The following KCNMA1 variants were observed in gnomAD, a reference collection of about 807,000 sequenced individuals.
KCNMA1 encodes potassium calcium-activated channel subfamily M alpha 1.
In KCNMA1, 29 loss-of-function variants were observed where a neutral mutation model predicts 140.0. The ratio of observed to expected loss-of-function variants is 0.21; its 90% confidence interval spans 0.15 to 0.28. KCNMA1 has a LOEUF of 0.28. Ranked by LOEUF, KCNMA1 falls within the 10% of genes least tolerant of loss-of-function variation. The pLI is 1.00. For missense variants in KCNMA1, 880 were observed against 1,602.2 expected, an observed-to-expected ratio of 0.55 and a Z score of 7.70; for synonymous variants, 612 against 611.9, an observed-to-expected ratio of 1.00 and a Z score of 0.00.
At chr10:77,316,049 C>T (rs2080790489) in intron 2 of KCNMA1, among the ~76,000 whole-genome samples, 1 of 152,158 alleles carries the variant, frequency 6.6e-6, no homozygotes. Context: ...TGCTTAGAAA[C>T]CTGGAGGCTC....
intron 5 of KCNMA1, among the ~76,000 whole-genome samples, chr10:77,134,045 A>G (rs948617721): frequency 6.6e-6 from 1 of 152,204 alleles, no homozygotes; most frequent in African/African-American, 2.4e-5. Flanking sequence ...GCATCATGCA[A>G]TGATGGACCT....
chr10:77,354,622 A>T (rs1170331225), intron 2 of KCNMA1: 15 of 152,222 alleles, frequency 9.9e-5, no homozygotes, highest in Admixed American at 9.8e-4. Flanking sequence ...TCTGTGTGGT[A>T]AGTATGCCAT....
intron 20 of KCNMA1, among the ~76,000 whole-genome samples, chr10:76,961,987 T>C (rs2071678972): frequency 1.3e-5 from 2 of 152,206 alleles, no homozygotes; most frequent in Admixed American, 1.3e-4. Flanking sequence ...GTTTTGAGGA[T>C]TCGCAGAGCA....
At chr10:77,598,626 C>T (rs1207996588) in intron 1 of KCNMA1, among the ~76,000 whole-genome samples, 1 of 152,058 alleles carries the variant, frequency 6.6e-6, no homozygotes, top group Non-Finnish European at 1.5e-5. Context: ...TTAAATAAAA[C>T]AAAAAAGCAA....
chr10:77,630,827 C>A (rs552865319), intron 1 of KCNMA1, among the ~76,000 whole-genome samples: 1 of 151,954 alleles, frequency 6.6e-6, no homozygotes, highest in Non-Finnish European at 1.5e-5. Flanking sequence ...TTTGACTAAG[C>A]CAGGCACAGT....
intron 14 of KCNMA1, among the ~76,000 whole-genome samples, chr10:77,069,246 C>T (rs1006367673): frequency 6.6e-6 from 1 of 152,072 alleles, no homozygotes; most frequent in Non-Finnish European, 1.5e-5. Context: ...ACAGCATGTT[C>T]CAGGGCTGGC....
At chr10:76,913,465 T>A (rs1160475031) in intron 24 of KCNMA1, 3 of 152,336 alleles carry the variant, frequency 2.0e-5, no homozygotes, top group African/African-American at 7.3e-5. Flanking sequence ...CTTCTTGAAA[T>A]CTGCCTTTAG....
At chr10:77,440,486 C>T (rs562973203) in intron 1 of KCNMA1, among the ~76,000 whole-genome samples, 9 of 152,268 alleles carry the variant, frequency 5.9e-5, no homozygotes, top group Non-Finnish European at 7.4e-5. Flanking sequence ...CCCAAGACCC[C>T]CTCTCTGACC....
At chr10:77,484,800 T>C (rs1323231098) in intron 1 of KCNMA1, among the ~76,000 whole-genome samples, 1 of 152,248 alleles carries the variant, frequency 6.6e-6, no homozygotes, top group Non-Finnish European at 1.5e-5. Context: ...AGTGAGGCTC[T>C]TACTGCTGAT....
chr10:76,927,246 C>T (rs149634009), intron 23 of KCNMA1, among the ~76,000 whole-genome samples: 24 of 152,246 alleles, frequency 1.6e-4, no homozygotes, highest in African/African-American at 5.1e-4. Flanking sequence ...TAAAACTTCA[C>T]TTCTCAAACC....
intron 1 of KCNMA1, among the ~76,000 whole-genome samples, chr10:77,471,609 A>G (rs2098153920): frequency 6.6e-6 from 1 of 150,784 alleles, no homozygotes; most frequent in African/African-American, 2.4e-5. Context: ...CACCACACAC[A>G]CTATACATAT....
chr10:77,166,478 C>T, intron 5 of KCNMA1, among the ~76,000 whole-genome samples: 1 of 151,962 alleles, frequency 6.6e-6, no homozygotes. Flanking sequence ...CTGTCTCAAG[C>T]AGAGAAATCA....
At chr10:77,376,206 C>T (rs918661775) in intron 2 of KCNMA1, among the ~76,000 whole-genome samples, 6 of 152,144 alleles carry the variant, frequency 3.9e-5, no homozygotes, top group South Asian at 2.1e-4. Context: ...AGGGGGCTGC[C>T]GTGTCCCACT....
chr10:77,568,714 A>G (rs2069459433), intron 1 of KCNMA1, among the ~76,000 whole-genome samples: 1 of 149,206 alleles, frequency 6.7e-6, no homozygotes, highest in Non-Finnish European at 1.5e-5. Context: ...TATTCAACAT[A>G]GTGTTGGAAG....
chr10:77,303,661 G>A (rs2154335739), intron 2 of KCNMA1, among the ~76,000 whole-genome samples: 1 of 152,208 alleles, frequency 6.6e-6, no homozygotes, highest in Middle Eastern at 3.4e-3. Flanking sequence ...GCTGTGCTCT[G>A]ACCTTGCCTG....
intron 3 of KCNMA1, among the ~76,000 whole-genome samples, chr10:77,204,109 A>AG (rs1285124100): frequency 2.8e-4 from 42 of 152,110 alleles, no homozygotes; most frequent in South Asian, 8.3e-4. Flanking sequence ...AAAAAAAAAA[A>AG]AAAGAAAGAA....
rs565144509 is a variant in KCNMA1 at position 77,227,886 on chromosome 10, T to A, written c.602+23309A>T. 5.3e-5 allele frequency among the ~76,000 whole-genome samples: 8 copies of A among 152,246 alleles called. No individual in the cohort carries two copies. The East Asian group carries it at 1.5e-3, about 29-fold the overall frequency. Reference sequence around the variant, plus strand: ...AAGGGGGTAATACTGCTACCTACCCTGTAAGATGTTATGAGGATTAAATGA... The same window carrying A: ...AAGGGGGTAATACTGCTACCTACCCAGTAAGATGTTATGAGGATTAAATGA... On this transcript the variant is annotated intron_variant, in intron 3 of 27. Coordinates refer to ENST00000286628, the MANE Select transcript of KCNMA1 (RefSeq NM_001161352.2).
At chr10:77,098,372 G>A (rs2096992580) in intron 9 of KCNMA1, among the ~76,000 whole-genome samples, 1 of 152,100 alleles carries the variant, frequency 6.6e-6, no homozygotes, top group Non-Finnish European at 1.5e-5. Context: ...CTGCCCAAGT[G>A]AGGCCAATGG....
intron 1 of KCNMA1, among the ~76,000 whole-genome samples, chr10:77,504,568 ATATT>A (rs200610287): frequency 0.014 from 2,158 of 152,164 alleles, 31 homozygotes; most frequent in Non-Finnish European, 0.022. Context: ...TTCTTTATAT[ATATT>A]TTAAATTTTA....
Sources: gnomAD v4.1 joint callset for allele counts (sites outside exome capture counted in the v4.1 genomes callset) on GRCh38, gnomAD v4.1.1 for gene constraint, MANE v1.5 for transcripts, NCBI Gene and HGNC (gene_info 2026-07-23, HGNC 2026-07-21) for gene names.